The following GSAP variants were observed in gnomAD, a reference collection of about 807,000 sequenced individuals.
GSAP encodes the protein gamma-secretase activating protein, also known as gamma-secretase-activating protein.
A neutral mutation model predicts 131.7 loss-of-function variants in GSAP; 118 were observed. That is an observed-to-expected ratio of 0.90 (90% CI 0.77 to 1.04). The LOEUF is 1.04. Among genes scored for constraint, GSAP ranks in the 50% least tolerant of loss-of-function variants. The pLI, the probability that GSAP is intolerant of heterozygous loss-of-function variation, is 0.00. For missense variants in GSAP, 1,019 were observed against 1,013.2 expected (o/e 1.01, Z -0.08); for synonymous variants, 381 against 363.4 (o/e 1.05, Z -0.55).
intron 19 of GSAP, among the ~76,000 whole-genome samples, chr7:77,336,545 G>A (rs1790003680): frequency 6.6e-6 from 1 of 152,086 alleles, no homozygotes; most frequent in African/African-American, 2.4e-5. Flanking sequence ...GAGTGCAATG[G>A]CGCAATCTTG....
At chr7:77,399,506 T>C (rs1438255292) in intron 3 of GSAP, among the ~76,000 whole-genome samples, 1 of 152,196 alleles carries the variant, frequency 6.6e-6, no homozygotes, top group African/African-American at 2.4e-5. Flanking sequence ...GTTTAGGTCA[T>C]GTTCACTCTT....
In GSAP at chr7:77,328,547, G is replaced by A; in HGVS notation, c.1765+59C>T. 5 of 1,588,842 alleles carry A rather than the reference G, an allele frequency of 3.1e-6. No individual in the cohort carries two copies. The East Asian group carries it at 1.1e-4, about 36-fold the overall frequency. ...CCAACCCACAGTGGTAGGAAGAACA[G>A]TGCTACAAACAAAACACTGACTGGA... is the stretch of plus-strand genomic sequence containing the variant. On this transcript the variant is annotated intron_variant, in intron 22 of 30. Coordinates refer to ENST00000257626, the MANE Select transcript of GSAP (RefSeq NM_017439.4).
rs4270889 is a variant in GSAP, at chr7:77,324,685, T to A, written c.1828-943A>T. On this transcript the variant is annotated intron_variant, in intron 23 of 30. Coordinates refer to ENST00000257626, the MANE Select transcript of GSAP (RefSeq NM_017439.4). ...GTAATACATAGTGCATACTTCTTTG[T>A]GCTTTTCAATTTTTCCATGAAGATA... is the stretch of plus-strand genomic sequence containing the variant. 7.6e-4 allele frequency among the ~76,000 whole-genome samples: 116 copies of A among 152,300 alleles called. 1 individual carries two copies. In the South Asian group the frequency reaches 0.019, roughly 25 times the overall value.
chr7:77,337,662 G>A (rs1790236668), intron 19 of GSAP, among the ~76,000 whole-genome samples: 1 of 152,180 alleles, frequency 6.6e-6, no homozygotes, highest in African/African-American at 2.4e-5. Flanking sequence ...CAGTCTCTGA[G>A]TCAGGTAATC....
intron 19 of GSAP, among the ~76,000 whole-genome samples, chr7:77,345,868 G>T (rs1182811615): frequency 2.0e-5 from 3 of 152,144 alleles, no homozygotes; most frequent in Middle Eastern, 3.2e-3. Context: ...TCTTCACCTG[G>T]ACGCACGTGA....
At chr7:77,346,866 C>T (rs969857346) in intron 19 of GSAP, among the ~76,000 whole-genome samples, 1 of 97,470 alleles carries the variant, frequency 1.0e-5, no homozygotes, top group Non-Finnish European at 1.9e-5. Context: ...GGACTAGTCT[C>T]GGGAAACTCT....
At chr7:77,391,792 G>A (rs952040559) in intron 5 of GSAP, among the ~76,000 whole-genome samples, 7 of 152,160 alleles carry the variant, frequency 4.6e-5, no homozygotes, top group African/African-American at 1.7e-4. Context: ...CCATAAGAAT[G>A]TCAGTGCACC....
chr7:77,318,915 G>T (rs1222203542), intron 26 of GSAP, among the ~76,000 whole-genome samples: 1 of 129,278 alleles, frequency 7.7e-6, no homozygotes, highest in Non-Finnish European at 1.6e-5. Flanking sequence ...TGGGCCTGTT[G>T]TGGGGTGGGG....
At chr7:77,343,355 A>G (rs1348146900) in intron 19 of GSAP, among the ~76,000 whole-genome samples, 6 of 152,176 alleles carry the variant, frequency 3.9e-5, no homozygotes, top group Non-Finnish European at 7.3e-5. Flanking sequence ...TCAAGCCCTC[A>G]ATCTTGCAAA....
At chr7:77,379,753 C>T in intron 8 of GSAP, 1 of 395,050 alleles carries the variant, frequency 2.5e-6, no homozygotes, top group South Asian at 1.0e-4. Context: ...GACTCCTGGC[C>T]CTCTCTGTCC....
In GSAP at chr7:77,391,788, G is replaced by C. The variant is rs1028330792; in HGVS notation, c.368-4340C>G. Among the ~76,000 whole-genome samples the C allele has an allele frequency of 2.6e-5, 4 of 152,278 alleles. 1 individual carries two copies. The South Asian group carries it at 8.3e-4, about 32-fold the overall frequency. On this transcript the variant is annotated intron_variant, in intron 5 of 30. Transcript: ENST00000257626. ...AGGTCGAGGCTATAGTGAGCCATAA[G>C]AATGTCAGTGCACCCCAGCTTGGGC...
intron 19 of GSAP, among the ~76,000 whole-genome samples, chr7:77,348,000 A>AT (rs1171829130): frequency 1.3e-3 from 195 of 150,668 alleles, no homozygotes; most frequent in South Asian, 2.7e-3. Flanking sequence ...AAAAAAAAAA[A>AT]AATAAGAAAA....
At chr7:77,414,044 A>C (rs1304443618) in intron 1 of GSAP, among the ~76,000 whole-genome samples, 1 of 152,180 alleles carries the variant, frequency 6.6e-6, no homozygotes, top group East Asian at 1.9e-4. Context: ...TATTGACCAA[A>C]ATGCTTACAG....
At chr7:77,341,582 C>G (rs1790904911) in intron 19 of GSAP, among the ~76,000 whole-genome samples, 2 of 152,148 alleles carry the variant, frequency 1.3e-5, no homozygotes, top group Admixed American at 6.5e-5. Flanking sequence ...TGTTTAGGCT[C>G]TTTTTCATCA....
intron 11 of GSAP, 86 bp from the exon 12 acceptor site, chr7:77,374,241 ACC>A: frequency 1.5e-6 from 1 of 657,894 alleles, no homozygotes; most frequent in Non-Finnish European, 2.7e-6. Flanking sequence ...TAAATAATAT[ACC>A]CACAGAAGTA....
chr7:77,344,588 T>C (rs371269522), intron 19 of GSAP, among the ~76,000 whole-genome samples: 1 of 150 alleles, frequency 6.7e-3, no homozygotes, highest in Non-Finnish European at 0.016. Context: ...GTCCTGCTCT[T>C]GTTACACTGC....
chr7:77,342,929 C>G (rs1791229751), intron 19 of GSAP, among the ~76,000 whole-genome samples: 1 of 152,152 alleles, frequency 6.6e-6, no homozygotes, highest in Non-Finnish European at 1.5e-5. Context: ...ACCCATTATT[C>G]TATTCTAGAT....
chr7:77,323,797 C>A (rs1337554083), intron 23 of GSAP, 55 bp from the exon 24 acceptor site: 7 of 766,498 alleles, frequency 9.1e-6, no homozygotes, highest in Non-Finnish European at 1.5e-5. Context: ...ATACCTGCAA[C>A]TGGTTTGAAT....
chr7:77,389,551 G>A (rs889530013), intron 5 of GSAP, among the ~76,000 whole-genome samples: 1 of 148,988 alleles, frequency 6.7e-6, no homozygotes, highest in African/African-American at 2.5e-5. Context: ...TTTTGTCCTT[G>A]GGATAGTTTG....
Sources: gnomAD v4.1 joint callset for allele counts (sites outside exome capture counted in the v4.1 genomes callset) on GRCh38, gnomAD v4.1.1 for gene constraint, MANE v1.5 for transcripts, NCBI Gene and HGNC (gene_info 2026-07-23, HGNC 2026-07-21) for gene names.